Variants in CACNA1E observed in about 807,000 individuals in gnomAD.
CACNA1E encodes voltage-dependent R-type calcium channel subunit alpha-1E.
A neutral mutation model predicts 259.2 loss-of-function variants in CACNA1E; 40 were observed. That is an observed-to-expected ratio of 0.15 (90% CI 0.12 to 0.20). The LOEUF is 0.20. Ranked by LOEUF, CACNA1E falls within the 10% of genes least tolerant of loss-of-function variation. The pLI is 1.00. For missense variants in CACNA1E, 1,874 were observed against 3,040.1 expected, an observed-to-expected ratio of 0.62 and a Z score of 9.02; for synonymous variants, 1,104 against 1,138.5, an observed-to-expected ratio of 0.97 and a Z score of 0.61.
At chr1:181,475,953 A>C (rs1016058639) in intron 2 of CACNA1E, among the ~76,000 whole-genome samples, 2 of 152,080 alleles carry the variant, frequency 1.3e-5, no homozygotes, top group African/African-American at 4.8e-5. Context: ...AAGGGAGAGA[A>C]GTCAGACAGA....
At chr1:181,601,179 T>C (rs1653707571) in intron 6 of CACNA1E, among the ~76,000 whole-genome samples, 1 of 152,214 alleles carries the variant, frequency 6.6e-6, no homozygotes, top group African/African-American at 2.4e-5. Flanking sequence ...GAGGGAGCTC[T>C]TCAGTCTGAG....
intron 30 of CACNA1E, 29 bp downstream of exon 30, chr1:181,757,155 C>G (rs770631523): frequency 6.6e-7 from 1 of 1,515,412 alleles, no homozygotes; most frequent in Non-Finnish European, 9.2e-7. Context: ...AAGTGGGGAG[C>G]AGCAGAGGCT....
intron 15 of CACNA1E, among the ~76,000 whole-genome samples, chr1:181,721,285 A>G (rs1455498463): frequency 1.3e-5 from 2 of 152,216 alleles, no homozygotes; most frequent in East Asian, 3.8e-4. Context: ...GAAAACTCAA[A>G]ATCAATAGTG....
intron 24 of CACNA1E, 80 bp downstream of exon 24, chr1:181,738,506 A>G: frequency 1.8e-6 from 2 of 1,134,962 alleles, no homozygotes; most frequent in Admixed American, 1.7e-5. Flanking sequence ...GCCCTTCCTC[A>G]GTGTTACCAC....
chr1:181,802,373 A>G lies in CACNA1E; in HGVS notation c.*3539A>G, dbSNP rs1199520775. The stretch of plus-strand genomic sequence containing the variant: ...GACCTCTCTTGACTCTGGGGCCACA[A>G]AGAGAAGGCCCCATAATCCACCTCT... On this transcript the variant is annotated 3_prime_UTR_variant, in exon 48 of 48. Coordinates refer to ENST00000367573, the MANE Select transcript of CACNA1E (RefSeq NM_001205293.3). 6.6e-6 allele frequency: 1 copy of G among 152,162 alleles called. No individual in the cohort carries two copies. The highest frequency in any genetic ancestry group is 1.5e-5 in the Non-Finnish European group (1 of 68,076). The allele number at this position is 152,162 out of a possible 1,614,324, so 9.4% of individuals were successfully genotyped here. A position where few individuals can be genotyped will look rare whatever the true frequency, so the allele number is the denominator to read the frequency against.
At chr1:181,446,798 C>G (rs1660818892) in intron 2 of CACNA1E, among the ~76,000 whole-genome samples, 1 of 152,118 alleles carries the variant, frequency 6.6e-6, no homozygotes, top group South Asian at 2.1e-4. Flanking sequence ...GAAAGCTCTT[C>G]TGGTGGCTGG....
Position 181,752,222 on chromosome 1 carries a change from C to T in CACNA1E, c.3811C>T (p.Arg1271Cys). 1 of 1,612,790 alleles carries T rather than the reference C, an allele frequency of 6.2e-7. No individual in the cohort carries two copies. The highest frequency in any genetic ancestry group is 8.5e-7 in the Non-Finnish European group (1 of 1,178,752). ...TCTAAGGCCACTGAAAACCATCAAG[C>T]GCTTGCCCAAGCTCAAGGTAGTGTT... Reference protein sequence around the residue: ...RVLRPLKTIKRLPKLKAVFDC... With the variant: ...RVLRPLKTIKCLPKLKAVFDC... Residue 1271 changes from arginine to cysteine, a missense_variant, in exon 27 of 48, where the codon CGC (arginine) becomes TGC (cysteine). Arg to Cys is a radical substitution (Grantham distance 180). Coordinates refer to ENST00000367573, the MANE Select transcript of CACNA1E (RefSeq NM_001205293.3).
rs1451457480 is a variant in CACNA1E, at chr1:181,790,552, C to T, written c.5894C>T (p.Ser1965Phe). Residue 1965 changes from serine to phenylalanine, a missense_variant, in exon 44 of 48, where the codon TCT becomes TTT. Ser to Phe is a radical substitution (Grantham distance 155, BLOSUM62 -2). This residue lies in a region of CACNA1E where 542 missense variants were observed against 587.2 expected (regional missense o/e 0.92). Coordinates refer to ENST00000367573, the MANE Select transcript of CACNA1E (RefSeq NM_001205293.3). ...GACGGACAGTTCCAAGAACGGCAGT[C>T]TCTGGTGAATGCATGAGTTATATGA... ...ADDGQFQERQSLEPEVSELKS... is the reference protein window; with the variant it reads ...ADDGQFQERQFLEPEVSELKS... 1 of 1,584,530 alleles carries T rather than the reference C, an allele frequency of 6.3e-7. No homozygotes were observed. Among genetic ancestry groups the T allele is most frequent in the South Asian group, 1.1e-5 (1 of 90,634 alleles).
chr1:181,665,987 A>T (rs1648184251), intron 7 of CACNA1E, among the ~76,000 whole-genome samples: 1 of 151,996 alleles, frequency 6.6e-6, no homozygotes, highest in Non-Finnish European at 1.5e-5. Context: ...TCTTTCTGTG[A>T]TTCTTTTATC....
At chr1:181,482,118 C>T (rs564676020), upstream of CACNA1E, among the ~76,000 whole-genome samples, 156 of 152,336 alleles carry the variant, frequency 1.0e-3, no homozygotes, top group African/African-American at 3.7e-3. Flanking sequence ...CGGGGCCTCC[C>T]AGGTGCTAAG....
chr1:181,784,805 GC>G, intron 41 of CACNA1E, 37 bp downstream of exon 41: 1 of 1,262,550 alleles, frequency 7.9e-7, no homozygotes, highest in Non-Finnish European at 1.1e-6. Context: ...GTCACTGTGG[GC>G]CCAGCATGTG....
At chr1:181,700,455 C>G (rs1353777655) in intron 7 of CACNA1E, among the ~76,000 whole-genome samples, 2 of 152,212 alleles carry the variant, frequency 1.3e-5, no homozygotes, top group African/African-American at 4.8e-5. Context: ...AGTTGCCAGA[C>G]AGCCTGTCTG....
At chr1:181,626,791 G>A (rs1400493495) in intron 6 of CACNA1E, among the ~76,000 whole-genome samples, 2 of 152,186 alleles carry the variant, frequency 1.3e-5, no homozygotes, top group African/African-American at 2.4e-5. Context: ...GGGCTCTGTA[G>A]TCATCACCAA....
At chr1:181,425,632 A>AGGTGAGAAGGCTGAGGC (rs537038473) in intron 2 of CACNA1E, among the ~76,000 whole-genome samples, 1,910 of 149,814 alleles carry the variant, frequency 0.013, 17 homozygotes, top group Non-Finnish European at 0.019. Context: ...TTGAAGGTGC[A>AGGTGAGAAGGCTGAGGC]GGTGAGAAGG....
chr1:181,482,305 A>G (rs1159809912), upstream of CACNA1E, among the ~76,000 whole-genome samples: 1 of 152,266 alleles, frequency 6.6e-6, no homozygotes, highest in Non-Finnish European at 1.5e-5. Context: ...AACAGGGCAC[A>G]GCACTGGGGA....
chr1:181,510,465 C>A lies in CACNA1E; in HGVS notation c.267-12C>A. ...TCTCTGGTGAATTTGTTCCTTAACT[C>A]CGCTTTCCCACGCCATTTGAGTACA... On this transcript the variant is annotated splice_polypyrimidine_tract_variant and intron_variant, in intron 1 of 47. Transcript: ENST00000367573. The A allele has an allele frequency of 6.2e-7, 1 of 1,603,950 alleles. No homozygotes were observed. Among genetic ancestry groups the A allele is most frequent in the South Asian group, 1.1e-5 (1 of 90,860 alleles).
At chr1:181,786,449 C>A (rs1284651129) in intron 43 of CACNA1E, among the ~76,000 whole-genome samples, 1 of 152,146 alleles carries the variant, frequency 6.6e-6, no homozygotes, top group Admixed American at 6.5e-5. Flanking sequence ...TTATTTCTGA[C>A]CCCAGAGTGT....
chr1:181,337,946 CATA>C lies in CACNA1E; in HGVS notation c.-15+19826_-15+19828del, dbSNP rs554873615. Among the ~76,000 whole-genome samples the C allele has an allele frequency of 1.5e-4, 23 of 152,290 alleles. 1 individual carries two copies. In the East Asian group the frequency reaches 4.4e-3, roughly 29 times the overall value. On this transcript the variant is annotated intron_variant, in intron 1 of 11. Coordinates refer to the CACNA1E transcript ENST00000524607. Reference sequence around the variant, plus strand: ...TTTGAGGAACATCCATGCTGTTTTCCATAATGATTGTACCAATTTACATTCCTA... The same window carrying C: ...TTTGAGGAACATCCATGCTGTTTTCCATGATTGTACCAATTTACATTCCTA...
At chr1:181,438,819 G>A (rs1000155497) in intron 2 of CACNA1E, among the ~76,000 whole-genome samples, 20 of 152,080 alleles carry the variant, frequency 1.3e-4, no homozygotes, top group African/African-American at 4.6e-4. Context: ...CCCACTCTTG[G>A]GTATATATGT....
Sources: gnomAD v4.1 joint callset for allele counts (sites outside exome capture counted in the v4.1 genomes callset) on GRCh38, gnomAD v4.1.1 for gene constraint, gnomAD v4.1.1 regional missense constraint, MANE v1.5 for transcripts, NCBI Gene and HGNC (gene_info 2026-07-23, HGNC 2026-07-21) for gene names.